The following FHIT variants were observed in gnomAD, a reference collection of about 807,000 sequenced individuals.
The protein encoded by FHIT is bis(5'-adenosyl)-triphosphatase.
A neutral mutation model predicts 17.9 loss-of-function variants in FHIT; 19 were observed. That is an observed-to-expected ratio of 1.06 (90% CI 0.74 to 1.56). The LOEUF is 1.56. Among genes scored for constraint, FHIT ranks in the 40% most tolerant of loss-of-function variants. FHIT has a pLI of 0.00. For synonymous variants in FHIT, 81 were observed against 69.7 expected (o/e 1.16, Z -0.81); for missense variants, 248 against 189.2 (o/e 1.31, Z -1.82).
intron 3 of FHIT, among the ~76,000 whole-genome samples, chr3:60,935,714 T>C (rs1461979672): frequency 6.6e-6 from 1 of 152,162 alleles, no homozygotes; most frequent in African/African-American, 2.4e-5. Flanking sequence ...TTTTCTCAGA[T>C]AAGAATTAGA....
chr3:60,949,421 AAC>A (rs1406911141), intron 3 of FHIT, among the ~76,000 whole-genome samples: 1 of 152,244 alleles, frequency 6.6e-6, no homozygotes, highest in Non-Finnish European at 1.5e-5. Context: ...TACAAAAAGA[AAC>A]ACAACGCCAA....
At chr3:60,007,942 C>T (rs1233385160) in intron 7 of FHIT, among the ~76,000 whole-genome samples, 1 of 152,142 alleles carries the variant, frequency 6.6e-6, no homozygotes, top group African/African-American at 2.4e-5. Flanking sequence ...GATGTTCCTG[C>T]TTCTGTAGTT....
At chr3:60,035,029 A>G (rs1232752271) in intron 5 of FHIT, among the ~76,000 whole-genome samples, 2 of 152,182 alleles carry the variant, frequency 1.3e-5, no homozygotes, top group South Asian at 4.1e-4. Context: ...ACTCATTTTC[A>G]TCATGCTCTG....
chr3:60,131,966 A>G (rs77942440), intron 5 of FHIT, among the ~76,000 whole-genome samples: 195 of 152,272 alleles, frequency 1.3e-3, no homozygotes, highest in African/African-American at 4.3e-3. Context: ...ATAAAGTGCC[A>G]ACTAGTCTTT....
rs750168873 is a variant in FHIT at position 60,571,335 on chromosome 3, C to CAATAAAAAAAA, written c.-17-34357_-17-34356insTTTTTTTTATT. Among the ~76,000 whole-genome samples the CAATAAAAAAAA allele has an allele frequency of 9.3e-4, 51 of 54,662 alleles. 7 individuals carry two copies. The highest frequency in any genetic ancestry group is 1.2e-3 in the Admixed American group (4 of 3,464). 35.9% of individuals were successfully genotyped at this position (54,662 alleles called of 152,430 possible). On this transcript the variant is annotated intron_variant, in intron 4 of 9. Transcript: ENST00000492590. Reference sequence around the variant, plus strand: ...TGGGCAACAGGGCAAGACTCCATCGCAAAAAAAAAAAAAAAAAAAAAAAAA... The same window carrying CAATAAAAAAAA: ...TGGGCAACAGGGCAAGACTCCATCGCAATAAAAAAAAAAAAAAAAAAAAAAAAAAAAAAAAA...
At chr3:60,725,757 T>C (rs529230570) in intron 4 of FHIT, among the ~76,000 whole-genome samples, 2 of 152,318 alleles carry the variant, frequency 1.3e-5, no homozygotes, top group African/African-American at 4.8e-5. Flanking sequence ...CTAATAATAA[T>C]AGTAACTAGC....
chr3:60,863,712 G>A (rs1363566912), intron 3 of FHIT, among the ~76,000 whole-genome samples: 1 of 152,146 alleles, frequency 6.6e-6, no homozygotes, highest in African/African-American at 2.4e-5. Context: ...ATTATCCTCT[G>A]TTTATAACAG....
At chr3:60,414,664 G>A (rs549023820) in intron 5 of FHIT, among the ~76,000 whole-genome samples, 1 of 152,248 alleles carries the variant, frequency 6.6e-6, no homozygotes, top group South Asian at 2.1e-4. Context: ...AGAACCTGAT[G>A]TTATCAGAGC....
At chr3:60,207,099 CAT>C (rs1703230557) in intron 5 of FHIT, among the ~76,000 whole-genome samples, 1 of 151,620 alleles carries the variant, frequency 6.6e-6, no homozygotes, top group Non-Finnish European at 1.5e-5. Flanking sequence ...CTAGGAAGAC[CAT>C]ATGTACTTCC....
chr3:59,917,640 C>G (rs1319906321), intron 8 of FHIT, among the ~76,000 whole-genome samples: 1 of 152,172 alleles, frequency 6.6e-6, no homozygotes, highest in Admixed American at 6.5e-5. Context: ...TAAATAAGAT[C>G]TGCATAGACA....
intron 3 of FHIT, among the ~76,000 whole-genome samples, chr3:60,844,994 A>C (rs1702876061): frequency 6.6e-6 from 1 of 152,078 alleles, no homozygotes; most frequent in African/African-American, 2.4e-5. Context: ...GTTCTAAATT[A>C]ATAAATCCCA....
chr3:61,112,510 A>G (rs763649955), intron 2 of FHIT, among the ~76,000 whole-genome samples: 7 of 152,122 alleles, frequency 4.6e-5, no homozygotes, highest in African/African-American at 1.4e-4. Context: ...TTCAATGACA[A>G]TTGAAATGTC....
intron 2 of FHIT, among the ~76,000 whole-genome samples, chr3:61,048,345 G>T (rs2106638268): frequency 6.6e-6 from 1 of 152,274 alleles, no homozygotes; most frequent in South Asian, 2.1e-4. Flanking sequence ...CTCAAAAGAA[G>T]ACATTTATGC....
chr3:60,276,640 T>C (rs973164429), intron 5 of FHIT, among the ~76,000 whole-genome samples: 2 of 152,206 alleles, frequency 1.3e-5, no homozygotes, highest in African/African-American at 4.8e-5. Flanking sequence ...TCTAAAGGAA[T>C]ACCTGAGACT....
At chr3:59,757,163 G>A (rs570905256) in intron 8 of FHIT, among the ~76,000 whole-genome samples, 4 of 152,180 alleles carry the variant, frequency 2.6e-5, no homozygotes, top group East Asian at 1.9e-4. Flanking sequence ...TAGTCAAAAC[G>A]GTTTTCACAG....
chr3:61,150,013 A>G (rs570996840), intron 2 of FHIT, among the ~76,000 whole-genome samples: 1 of 152,338 alleles, frequency 6.6e-6, no homozygotes, highest in African/African-American at 2.4e-5. Context: ...TTACCAAGGT[A>G]CCTATAAATG....
chr3:61,192,009 G>T (rs1213635021), intron 2 of FHIT, among the ~76,000 whole-genome samples: 2 of 152,084 alleles, frequency 1.3e-5, no homozygotes, highest in African/African-American at 4.8e-5. Context: ...ACAGTTCCTT[G>T]CTTTTAAAAA....
intron 5 of FHIT, among the ~76,000 whole-genome samples, chr3:60,081,007 A>C (rs1703258102): frequency 6.6e-6 from 1 of 152,110 alleles, no homozygotes; most frequent in Non-Finnish European, 1.5e-5. Flanking sequence ...TATCTCTATC[A>C]AGGTACATGA....
chr3:60,958,247 C>T (rs939150298), intron 3 of FHIT, among the ~76,000 whole-genome samples: 1 of 152,032 alleles, frequency 6.6e-6, no homozygotes, highest in Admixed American at 6.6e-5. Flanking sequence ...TATAAATATA[C>T]CTGGTATAGA....
Sources: allele counts gnomAD v4.1 joint callset (sites outside exome capture counted in the v4.1 genomes callset), GRCh38; gene constraint gnomAD v4.1.1; transcripts MANE v1.5; gene names NCBI Gene and HGNC (gene_info 2026-07-23, HGNC 2026-07-21).